The following VARS2 variants were observed in gnomAD, a reference collection of about 807,000 sequenced individuals.
The protein encoded by VARS2 is valyl-tRNA synthetase 2, mitochondrial.
VARS2 carries 105 observed loss-of-function variants against 154.1 expected under a neutral mutation model. That is an observed-to-expected ratio of 0.68 (90% CI 0.58 to 0.80). The LOEUF is 0.80. Among genes scored for constraint, VARS2 ranks in the 30% least tolerant of loss-of-function variants. VARS2 has a pLI of 0.00. For missense variants in VARS2, 1,157 were observed against 1,361.4 expected, an observed-to-expected ratio of 0.85 and a Z score of 2.36; for synonymous variants, 483 against 539.5, an observed-to-expected ratio of 0.90 and a Z score of 1.45.
In VARS2 at chr6:30,924,575, C is replaced by T. The variant is rs1340952899; in HGVS notation, c.2673+15C>T. 1 of 1,470,772 alleles carries T rather than the reference C, an allele frequency of 6.8e-7. No homozygotes were observed. The highest frequency in any genetic ancestry group is 9.2e-7 in the Non-Finnish European group (1 of 1,090,770). 91.1% of individuals were successfully genotyped at this position (1,470,772 alleles called of 1,614,324 possible). A position where few individuals can be genotyped will look rare whatever the true frequency, so the allele number is the denominator to read the frequency against. ...CCTGCAGCTTGGTGAGTCCCAAGCA[C>T]CTTGGAGTGGGTCTGTGGGTGAATG... is the stretch of plus-strand genomic sequence containing the variant. On this transcript the variant is annotated intron_variant, in intron 26 of 29. Coordinates refer to ENST00000676266, the MANE Select transcript of VARS2 (RefSeq NM_020442.6).
rs1794276726 is a variant in VARS2 at position 30,917,849 on chromosome 6, T to C, written c.985+43T>C. ...CAGGGTCACCCGTTTACCTCCATTT[T>C]TCCTGTTTTCTGAAGCCCATGTTGG... is the stretch of plus-strand genomic sequence containing the variant. On this transcript the variant is annotated intron_variant, in intron 10 of 29. Coordinates refer to ENST00000676266, the MANE Select transcript of VARS2 (RefSeq NM_020442.6). This position sits in a 1 kb window ranked among gnomAD's most constrained non-coding sequence, Gnocchi z 4.4. The C allele has an allele frequency of 6.5e-7, 1 of 1,543,374 alleles. No homozygotes were observed. Among genetic ancestry groups the C allele is most frequent in the Non-Finnish European group, 8.8e-7 (1 of 1,139,712 alleles).
chr6:30,916,828 AT>A lies in VARS2; in HGVS notation c.672-49del. 1 of 1,599,580 alleles carries A rather than the reference AT, an allele frequency of 6.3e-7. No homozygotes were observed. Among genetic ancestry groups the A allele is most frequent in the Non-Finnish European group, 8.6e-7 (1 of 1,166,908 alleles). Reference sequence around the variant, plus strand: ...CTGGGGGCATCGCTGGGCCTGGTACATAGGAAGTGCTTGGGAAGTGTTTGCT... The same window carrying A: ...CTGGGGGCATCGCTGGGCCTGGTACAAGGAAGTGCTTGGGAAGTGTTTGCT... On this transcript the variant is annotated intron_variant, in intron 7 of 29. Coordinates refer to ENST00000676266, the MANE Select transcript of VARS2 (RefSeq NM_020442.6). The surrounding 1 kb of genome is among the most constrained non-coding windows in gnomAD (Gnocchi z 4.0).
At position 30,920,299 on chromosome 6, in the gene VARS2, C is replaced by T. The variant is rs529604473; in HGVS notation, c.1294-34C>T. 6.3e-7 allele frequency: 1 copy of T among 1,589,810 alleles called. No individual in the cohort carries two copies. The highest frequency in any genetic ancestry group is 1.2e-5 in the South Asian group (1 of 86,092). On this transcript the variant is annotated intron_variant, in intron 13 of 29. Transcript: ENST00000676266. This position sits in a 1 kb window ranked among gnomAD's most constrained non-coding sequence, Gnocchi z 4.6. ...TCCTAGTTTCTTATTTCTCTAGAGG[C>T]CTTCAGTCTTTACTCTTGCCGCTTT... is the stretch of plus-strand genomic sequence containing the variant.
chr6:30,915,223 C>T lies in VARS2; in HGVS notation c.269C>T (p.Pro90Leu). The change falls in exon 3 of 30, where the codon CCC becomes CTC. Residue 90 changes from proline (P) to leucine (L), a missense_variant. Physicochemically the swap from Pro to Leu is moderately conservative, Grantham distance 98 (BLOSUM62 -3). Transcript: ENST00000676266. Reference protein sequence around the residue: ...ELVLYEIPTKPGEKKDVSGPL... With the variant: ...ELVLYEIPTKLGEKKDVSGPL... ...GTATTGTATGAAATCCCTACGAAAC[C>T]CGGTGAAAAGAAAGGTAAGTAGAAT... The T allele has an allele frequency of 6.2e-7, 1 of 1,614,134 alleles. No homozygotes were observed. The highest frequency in any genetic ancestry group is 8.5e-7 in the Non-Finnish European group (1 of 1,179,986).
chr6:30,922,978 TA>T lies in VARS2; in HGVS notation c.2185+4del. ...CACTCTGCTCCCATGGAGTTCAGGGTAAGCCTGGGCGAGGGGTGTCGGGGTG... is the reference window on the plus strand; with the variant it reads ...CACTCTGCTCCCATGGAGTTCAGGGTAGCCTGGGCGAGGGGTGTCGGGGTG... On this transcript the variant is annotated splice_donor_region_variant and intron_variant, in intron 23 of 29. Transcript: ENST00000676266. The T allele has an allele frequency of 6.2e-7, 1 of 1,608,902 alleles. No individual in the cohort carries two copies.
Position 30,920,781 on chromosome 6 carries a change from A to G in VARS2, c.1479+32A>G. The G allele has an allele frequency of 6.6e-7, 1 of 1,517,916 alleles. No individual in the cohort carries two copies. Among genetic ancestry groups the G allele is most frequent in the Non-Finnish European group, 8.9e-7 (1 of 1,126,848 alleles). The allele number at this position is 1,517,916 out of a possible 1,614,324, so 94.0% of individuals were successfully genotyped here. Reference sequence around the variant, plus strand: ...CTGCAGTGTAGGAAGGACTGGGGCCAGGGGTTGGGGGAGCTCCCTGAGAAT... The same window carrying G: ...CTGCAGTGTAGGAAGGACTGGGGCCGGGGGTTGGGGGAGCTCCCTGAGAAT... On this transcript the variant is annotated intron_variant, in intron 15 of 29. Transcript: ENST00000676266. This position sits in a 1 kb window ranked among gnomAD's most constrained non-coding sequence, Gnocchi z 4.6.
rs1350015359 is a variant in VARS2, at chr6:30,922,531, A to G, written c.2014A>G (p.Ile672Val). The G allele has an allele frequency of 6.4e-7, 1 of 1,574,110 alleles. No homozygotes were observed. Among genetic ancestry groups the G allele is most frequent in the Admixed American group, 1.8e-5 (1 of 55,352 alleles). Residue 672 changes from isoleucine (I) to valine (V), a missense_variant, in exon 21 of 30, where the codon ATC (isoleucine) becomes GTC (valine). Physicochemically the swap from Ile to Val is conservative, Grantham distance 29. Transcript: ENST00000676266. ...SLGNVLDPRDIISGVEMQVLQ... is the reference protein window; with the variant it reads ...SLGNVLDPRDVISGVEMQVLQ... The stretch of plus-strand genomic sequence containing the variant: ...GGGGAATGTGCTGGACCCAAGAGAC[A>G]TCATCAGTGGGGTGGAGATGCAGGT...
At position 30,922,784 on chromosome 6, in the gene VARS2, C is replaced by G; in HGVS notation, c.2106+10C>G. Reference sequence around the variant, plus strand: ...TGTGGCTGCAGCACAGGTGAGTCATCGCTGCCTGCCCCCCACCAGCTCTAG... The same window carrying G: ...TGTGGCTGCAGCACAGGTGAGTCATGGCTGCCTGCCCCCCACCAGCTCTAG... On this transcript the variant is annotated intron_variant, in intron 22 of 29. Transcript: ENST00000676266. 1 of 1,604,074 alleles carries G rather than the reference C, an allele frequency of 6.2e-7. No homozygotes were observed. The highest frequency in any genetic ancestry group is 1.3e-5 in the African/African-American group (1 of 74,914).
At chr6:30,923,951 G>C in intron 25 of VARS2, 1 of 360,494 alleles carries the variant, frequency 2.8e-6, no homozygotes, top group Non-Finnish European at 5.1e-6. Context: ...CCACCCCAGA[G>C]TGGCTCCTTT....
chr6:30,921,340 G>T lies in VARS2; in HGVS notation c.1632+35G>T, dbSNP rs755370148. The T allele has an allele frequency of 1.9e-6, 3 of 1,613,114 alleles. No individual in the cohort carries two copies. Among genetic ancestry groups the T allele is most frequent in the Non-Finnish European group, 2.5e-6 (3 of 1,179,286 alleles). ...AAGAAGCACCCGGAGGGCCGAGTGTGGCACAGAGCACCTAGCCCAGGAGTC... is the reference window on the plus strand; with the variant it reads ...AAGAAGCACCCGGAGGGCCGAGTGTTGCACAGAGCACCTAGCCCAGGAGTC... On this transcript the variant is annotated intron_variant, in intron 17 of 29. Coordinates refer to ENST00000676266, the MANE Select transcript of VARS2 (RefSeq NM_020442.6). This position sits in a 1 kb window ranked among gnomAD's most constrained non-coding sequence, Gnocchi z 4.6.
chr6:30,915,566 C>T, intron 4 of VARS2, 111 bp downstream of exon 4: 1 of 1,432,278 alleles, frequency 7.0e-7, no homozygotes, highest in Non-Finnish European at 9.5e-7. Context: ...TTCTTTCTGG[C>T]TCTGGTGTCT....
Position 30,917,031 on chromosome 6 carries a change from G to A in VARS2, c.753+72G>A. ...GGGATCTGTGTGGGGCAGGGAGGAA[G>A]CAATGCCTGGGTCCCTGAGCAGGGT... On this transcript the variant is annotated intron_variant, in intron 8 of 29. Coordinates refer to ENST00000676266, the MANE Select transcript of VARS2 (RefSeq NM_020442.6). The surrounding 1 kb of genome is among the most constrained non-coding windows in gnomAD (Gnocchi z 4.4). 6.2e-7 allele frequency: 1 copy of A among 1,613,432 alleles called. No homozygotes were observed.
chr6:30,926,334 G>A lies in VARS2; in HGVS notation c.*124G>A, dbSNP rs2150572405. On this transcript the variant is annotated 3_prime_UTR_variant, in exon 30 of 30. Transcript: ENST00000676266. ...GGTCCATCGCCTTCATTGTGTAAAT[G>A]AGGACACAGACTGGCTTGGTCGCAG... The A allele has an allele frequency of 1.0e-6, 1 of 984,848 alleles. No homozygotes were observed. The highest frequency in any genetic ancestry group is 1.5e-5 in the South Asian group (1 of 65,422). The allele number at this position is 984,848 out of a possible 1,614,324, so 61.0% of individuals were successfully genotyped here.
chr6:30,922,245 A>G lies in VARS2; in HGVS notation c.1932+4A>G, dbSNP rs1794566629. 5 of 1,610,012 alleles carry G rather than the reference A, an allele frequency of 3.1e-6. No homozygotes were observed. Among genetic ancestry groups the G allele is most frequent in the Non-Finnish European group, 3.4e-6 (4 of 1,178,624 alleles). On this transcript the variant is annotated splice_donor_region_variant and intron_variant, in intron 20 of 29. Coordinates refer to ENST00000676266, the MANE Select transcript of VARS2 (RefSeq NM_020442.6). ...AGGGCAGCTGCCCTTCAGCAAGGTA[A>G]GAGCCCTTCAGTGCCCTGCCGCTTT...
Position 30,926,163 on chromosome 6 carries a change from C to T in VARS2, c.3145C>T (p.Arg1049Trp), listed in dbSNP as rs768584449. The T allele has an allele frequency of 1.7e-5, 27 of 1,613,018 alleles. No individual in the cohort carries two copies. The highest frequency in any genetic ancestry group is 3.3e-5 in the Admixed American group (2 of 60,010). ...ACTGGACAAGGCAGCCTCTCACCTC[C>T]GGCAGCTGATGGATGAGCCTCCAGC... ...SKLDKAASHL[R>W]QLMDEPPAPG... The change falls in exon 30 of 30, where the codon CGG becomes TGG. Residue 1049 changes from arginine (R) to tryptophan (W), a missense_variant. Transcript: ENST00000676266.
chr6:30,921,602 G>T lies in VARS2; in HGVS notation c.1646G>T (p.Cys549Phe). Reference sequence around the variant, plus strand: ...CTACTTTTGCAGGGAGAAGAGGACTGTTGGGTGGTTGGGCGGTCAGAGGCT... The same window carrying T: ...CTACTTTTGCAGGGAGAAGAGGACTTTTGGGTGGTTGGGCGGTCAGAGGCT... ...VEDHAQGEED[C>F]WVVGRSEAEA... The change falls in exon 18 of 30, where the codon TGT becomes TTT. Residue 549 changes from cysteine to phenylalanine, a missense_variant. By Grantham distance (205) the Cys-to-Phe change is radical. Transcript: ENST00000676266. This position sits in a 1 kb window ranked among gnomAD's most constrained non-coding sequence, Gnocchi z 4.6. The T allele has an allele frequency of 1.9e-6, 3 of 1,607,028 alleles. No homozygotes were observed. Among genetic ancestry groups the T allele is most frequent in the South Asian group, 2.2e-5 (2 of 89,424 alleles).
intron 25 of VARS2, 188 bp downstream of exon 25, chr6:30,923,693 T>TTGCC (rs1794677211): frequency 7.9e-6 from 6 of 761,118 alleles, no homozygotes; most frequent in Non-Finnish European, 1.2e-5. Flanking sequence ...CCAGGCACTG[T>TTGCC]TGCCTGCCTG....
chr6:30,915,453 CAGGTTAGT>C lies in VARS2; in HGVS notation c.384_384+7del. The C allele has an allele frequency of 6.2e-7, 1 of 1,613,774 alleles. No individual in the cohort carries two copies. Among genetic ancestry groups the C allele is most frequent in the Non-Finnish European group, 8.5e-7 (1 of 1,179,900 alleles). ...AGAGGGCTTCTTCAAACCAGAATAT[CAGGTTAGT>C]ATCTGGCAGGGAGGGGTCCTAAATT... On this transcript the variant is annotated splice_donor_variant and splice_donor_5th_base_variant and coding_sequence_variant and intron_variant, in exon 4 of 30. Transcript: ENST00000676266. LOFTEE classifies it high-confidence loss of function.
Position 30,924,439 on chromosome 6 carries a change from G to A in VARS2, c.2552G>A (p.Arg851His), listed in dbSNP as rs569681423. Reference protein sequence around the residue: ...VLFSCADLGLRLLAPLMPFLA... With the variant: ...VLFSCADLGLHLLAPLMPFLA... ...TTCTCCTGCGCTGACCTCGGCCTCC[G>A]CCTCCTGGCCCCACTGATGCCCTTC... Residue 851 changes from arginine to histidine, a missense_variant, in exon 26 of 30, where the codon CGC (arginine) becomes CAC (histidine). By Grantham distance (29) the Arg-to-His change is conservative. Coordinates refer to ENST00000676266, the MANE Select transcript of VARS2 (RefSeq NM_020442.6). 8 of 1,612,700 alleles carry A rather than the reference G, an allele frequency of 5.0e-6. No individual in the cohort carries two copies. The highest frequency in any genetic ancestry group is 4.5e-5 in the East Asian group (2 of 44,880).
Sources: gnomAD v4.1 joint callset for allele counts on GRCh38, gnomAD v4.1.1 for gene constraint, Gnocchi (gnomAD v3.1) non-coding constraint, MANE v1.5 for transcripts, NCBI Gene and HGNC (gene_info 2026-07-23, HGNC 2026-07-21) for gene names.